Variants in USP54 observed in about 807,000 individuals in gnomAD.
USP54 encodes the protein ubiquitin carboxyl-terminal hydrolase 54.
In USP54, 87 loss-of-function variants were observed where a neutral mutation model predicts 170.5. The observed-to-expected ratio is 0.51, with a 90% CI of 0.43 to 0.61. The LOEUF is 0.61. Among genes scored for constraint, USP54 ranks in the 20% least tolerant of loss-of-function variants. The pLI, the probability that USP54 is intolerant of heterozygous loss-of-function variation, is 0.00. For synonymous variants in USP54, 655 were observed against 742.8 expected (o/e 0.88, Z 1.92); for missense variants, 1,786 against 2,047.8 (o/e 0.87, Z 2.47).
chr10:73,596,525 C>A (rs572266824), intron 1 of USP54, among the ~76,000 whole-genome samples: 1 of 151,664 alleles, frequency 6.6e-6, no homozygotes, highest in East Asian at 1.9e-4. Context: ...CACCACTGCA[C>A]TCCAGCCTGG....
chr10:73,514,264 T>C (rs1430140165), intron 20 of USP54, among the ~76,000 whole-genome samples: 1 of 152,140 alleles, frequency 6.6e-6, no homozygotes. Flanking sequence ...CTTATTATTC[T>C]TAAAATAATT....
At chr10:73,507,874 A>G (rs1404619825) in intron 20 of USP54, among the ~76,000 whole-genome samples, 2 of 151,644 alleles carry the variant, frequency 1.3e-5, no homozygotes, top group East Asian at 1.9e-4. Flanking sequence ...GGTGGTGCAC[A>G]CCTGCACTCG....
chr10:73,603,210 C>T (rs145620479), intron 1 of USP54, among the ~76,000 whole-genome samples: 205 of 152,164 alleles, frequency 1.3e-3, no homozygotes, highest in Admixed American at 4.0e-3. Context: ...AGGGGAAACT[C>T]GGGAGCAAAC....
intron 4 of USP54, among the ~76,000 whole-genome samples, chr10:73,550,757 A>G (rs1424296994): frequency 1.3e-5 from 2 of 152,232 alleles, no homozygotes; most frequent in African/African-American, 4.8e-5. Context: ...TCTTAAGGTA[A>G]TATTACTGGT....
chr10:73,603,686 G>A (rs1165991704), intron 1 of USP54, among the ~76,000 whole-genome samples: 2 of 150,900 alleles, frequency 1.3e-5, no homozygotes, highest in Non-Finnish European at 3.0e-5. Flanking sequence ...AGGCAGAGGT[G>A]GCAGTGAGCC....
At chr10:73,507,324 T>G (rs2059313327) in intron 20 of USP54, 1 of 152,082 alleles carries the variant, frequency 6.6e-6, no homozygotes, top group African/African-American at 2.4e-5. Context: ...TGTATTTATG[T>G]GTTTTTTGGG....
intron 4 of USP54, among the ~76,000 whole-genome samples, chr10:73,563,791 T>C (rs762902863): frequency 2.0e-5 from 3 of 152,140 alleles, no homozygotes; most frequent in Admixed American, 6.6e-5. Context: ...TACTAATCTT[T>C]TGTTACATAT....
At chr10:73,526,594 A>G in intron 16 of USP54, 53 bp downstream of exon 16, 7 of 1,606,084 alleles carry the variant, frequency 4.4e-6, no homozygotes, top group Admixed American at 1.7e-5. Context: ...TCTGGTCCCC[A>G]GACAAAACTG....
chr10:73,511,208 C>T, intron 20 of USP54, among the ~76,000 whole-genome samples: 1 of 150,252 alleles, frequency 6.7e-6, no homozygotes, highest in Non-Finnish European at 1.5e-5. Context: ...AAACGATTCT[C>T]CCACCTCAAA....
chr10:73,556,533 A>G (rs901509640), intron 4 of USP54, among the ~76,000 whole-genome samples: 1 of 151,592 alleles, frequency 6.6e-6, no homozygotes, highest in African/African-American at 2.4e-5. Flanking sequence ...TTTAGTAGAG[A>G]CAGGGTTTCA....
chr10:73,547,928 A>C (rs2068233045), intron 4 of USP54, among the ~76,000 whole-genome samples: 1 of 152,320 alleles, frequency 6.6e-6, no homozygotes, highest in East Asian at 1.9e-4. Context: ...AGAAACTACC[A>C]TCAGAGTGAA....
chr10:73,535,541 A>G (rs1412576236), intron 11 of USP54, among the ~76,000 whole-genome samples: 1 of 152,224 alleles, frequency 6.6e-6, no homozygotes, highest in Non-Finnish European at 1.5e-5. Context: ...AATCAAGCCA[A>G]AACTATTAGG....
At chr10:73,567,936 C>T (rs1175248008) in intron 4 of USP54, among the ~76,000 whole-genome samples, 3 of 151,968 alleles carry the variant, frequency 2.0e-5, no homozygotes, top group Non-Finnish European at 4.4e-5. Flanking sequence ...TTTTTAGAGA[C>T]AGGATCTTGT....
chr10:73,548,737 G>C (rs1282967396), intron 4 of USP54, among the ~76,000 whole-genome samples: 1 of 152,158 alleles, frequency 6.6e-6, no homozygotes, highest in Admixed American at 6.5e-5. Context: ...CGGGAGGTGG[G>C]GGGCTGAGGG....
chr10:73,596,129 C>CA (rs1438849915), upstream of USP54, among the ~76,000 whole-genome samples: 2 of 142,484 alleles, frequency 1.4e-5, no homozygotes, highest in African/African-American at 5.2e-5. Flanking sequence ...AAAAACAAAA[C>CA]AAAAAAAACA....
intron 1 of USP54, among the ~76,000 whole-genome samples, chr10:73,602,839 G>A (rs2079291637): frequency 8.8e-6 from 1 of 113,232 alleles, no homozygotes; most frequent in African/African-American, 3.6e-5. Context: ...CTGGGCGACA[G>A]AGCAAGACTC....
At chr10:73,610,772 T>C (rs752133562) in intron 1 of USP54, among the ~76,000 whole-genome samples, 79 of 152,340 alleles carry the variant, frequency 5.2e-4, no homozygotes, top group Middle Eastern at 3.4e-3. Context: ...TTACCTCAGC[T>C]TCTGTTTTCA....
exon 1 of USP54, chr10:73,625,628 T>A (rs1285956707): frequency 1.3e-5 from 2 of 152,604 alleles, no homozygotes; most frequent in East Asian, 3.8e-4. Context: ...GGTCCCTTTA[T>A]CCAGTTCCGA....
rs977839490 is a variant in USP54, at chr10:73,497,906, G to C, written c.*723C>G. 4.6e-5 allele frequency: 7 copies of C among 152,436 alleles called. No individual in the cohort carries two copies. The highest frequency in any genetic ancestry group is 2.1e-4 in the South Asian group (1 of 4,830). The allele number at this position is 152,436 out of a possible 1,614,324, so 9.4% of individuals were successfully genotyped here. ...ACAAAGGGTCAGGTAATAGGGATAG[G>C]TGGATAAAACAAAGAGTAGAAGTTG... On this transcript the variant is annotated 3_prime_UTR_variant, in exon 24 of 24. Transcript: ENST00000687698.
Sources: gnomAD v4.1 joint callset for allele counts (sites outside exome capture counted in the v4.1 genomes callset) on GRCh38, gnomAD v4.1.1 for gene constraint, MANE v1.5 for transcripts, NCBI Gene and HGNC (gene_info 2026-07-23, HGNC 2026-07-21) for gene names.